Variants in LMNTD1 observed in about 807,000 individuals in gnomAD.
LMNTD1 encodes lamin tail domain-containing protein 1.
LMNTD1 carries 35 observed loss-of-function variants against 50.9 expected under a neutral mutation model. The ratio of observed to expected loss-of-function variants is 0.69; its 90% CI spans 0.53 to 0.91. LMNTD1 has a LOEUF of 0.91. LMNTD1 is among the 40% of genes least tolerant of loss of function. LMNTD1 has a pLI of 0.00. For missense variants in LMNTD1, 470 were observed against 475.5 expected, an observed-to-expected ratio of 0.99 and a Z score of 0.11; for synonymous variants, 153 against 161.9, an observed-to-expected ratio of 0.94 and a Z score of 0.42.
Position 25,519,789 on chromosome 12 carries a change from C to A in LMNTD1, c.1016+69G>T, listed in dbSNP as rs547113775. On this transcript the variant is annotated intron_variant, in intron 7 of 9. Coordinates refer to ENST00000458174, the MANE Select transcript of LMNTD1 (RefSeq NM_001145728.2). ...ATCACACATCCATTTGTCATCTAGT[C>A]GTTCCCACATGCTTAGTTACTAATT... 4.0e-6 allele frequency: 4 copies of A among 990,342 alleles called. No homozygotes were observed. In the African/African-American group the frequency reaches 6.4e-5, roughly 16 times the overall value. 61.3% of individuals were successfully genotyped at this position (990,342 alleles called of 1,614,324 possible).
intron 1 of LMNTD1, among the ~76,000 whole-genome samples, chr12:25,596,877 G>A (rs1945854890): frequency 6.6e-6 from 1 of 151,668 alleles, no homozygotes; most frequent in East Asian, 1.9e-4. Context: ...TACAATAAAT[G>A]TAAATAGAAA....
At chr12:25,544,992 A>G (rs1943341241) in intron 4 of LMNTD1, among the ~76,000 whole-genome samples, 1 of 151,848 alleles carries the variant, frequency 6.6e-6, no homozygotes, top group Non-Finnish European at 1.5e-5. Context: ...GATTCACGCT[A>G]GAGTAATGAG....
intron 1 of LMNTD1, among the ~76,000 whole-genome samples, chr12:25,559,756 T>C (rs1408395975): frequency 6.6e-6 from 1 of 152,238 alleles, no homozygotes; most frequent in Non-Finnish European, 1.5e-5. Context: ...TGTGAGATGG[T>C]ATCTCATTGT....
intron 1 of LMNTD1, among the ~76,000 whole-genome samples, chr12:25,605,636 A>G (rs1358571897): frequency 6.6e-6 from 1 of 152,200 alleles, no homozygotes; most frequent in Non-Finnish European, 1.5e-5. Flanking sequence ...CAGGTTTGTC[A>G]AAGATCAGAT....
chr12:25,527,557 G>C (rs1415431934), intron 4 of LMNTD1, among the ~76,000 whole-genome samples: 6 of 147,760 alleles, frequency 4.1e-5, no homozygotes, highest in South Asian at 2.1e-4. Context: ...ACTTTGGTAA[G>C]TGAGGACCCC....
chr12:25,476,223 A>G lies in LMNTD1; in HGVS notation c.*260T>C, dbSNP rs1000154865. ...ATAGCAATTTTATCCATTGAATAAT[A>G]CTAACCATCTGCTTGTTTTCTGCAG... On this transcript the variant is annotated 3_prime_UTR_variant, in exon 10 of 10. Transcript: ENST00000458174. 3.3e-5 allele frequency: 5 copies of G among 152,268 alleles called. No individual in the cohort carries two copies. Among genetic ancestry groups the G allele is most frequent in the Admixed American group, 6.5e-5 (1 of 15,290 alleles). The allele number at this position is 152,268 out of a possible 1,614,324, so 9.4% of individuals were successfully genotyped here. A position where few individuals can be genotyped will look rare whatever the true frequency, so the allele number is the denominator to read the frequency against.
intron 7 of LMNTD1, among the ~76,000 whole-genome samples, chr12:25,519,614 A>G (rs1163370554): frequency 6.7e-6 from 1 of 150,050 alleles, no homozygotes; most frequent in Non-Finnish European, 1.5e-5. Context: ...AAAAAGTGAA[A>G]TGGCCAGAGG....
At chr12:25,587,782 T>A (rs998294968) in intron 1 of LMNTD1, among the ~76,000 whole-genome samples, 1 of 152,232 alleles carries the variant, frequency 6.6e-6, no homozygotes, top group Non-Finnish European at 1.5e-5. Context: ...GCATATTGCC[T>A]AGGCCCTCAA....
chr12:25,586,584 G>T (rs1464973988), intron 1 of LMNTD1, among the ~76,000 whole-genome samples: 1 of 152,152 alleles, frequency 6.6e-6, no homozygotes, highest in Non-Finnish European at 1.5e-5. Context: ...AAGTCATGCG[G>T]CACTTTCTGA....
At chr12:25,534,250 C>A (rs1394722190) in intron 4 of LMNTD1, among the ~76,000 whole-genome samples, 1 of 152,102 alleles carries the variant, frequency 6.6e-6, no homozygotes, top group Non-Finnish European at 1.5e-5. Context: ...AATTGAGAAT[C>A]AGCTTCTGTT....
chr12:25,618,712 C>T (rs931401190), intron 1 of LMNTD1, among the ~76,000 whole-genome samples: 5 of 152,142 alleles, frequency 3.3e-5, no homozygotes, highest in African/African-American at 7.2e-5. Context: ...AATTTAACAT[C>T]AATTTGAATA....
At chr12:25,552,338 G>A (rs959195482) in intron 2 of LMNTD1, among the ~76,000 whole-genome samples, 2 of 151,928 alleles carry the variant, frequency 1.3e-5, no homozygotes, top group African/African-American at 4.8e-5. Context: ...AACTTTGGAG[G>A]CCAGGCGCGG....
intron 1 of LMNTD1, among the ~76,000 whole-genome samples, chr12:25,602,318 G>GA (rs959590454): frequency 6.6e-6 from 1 of 151,446 alleles, no homozygotes; most frequent in Non-Finnish European, 1.5e-5. Flanking sequence ...AAGAAAGAAA[G>GA]AAAAAAAACC....
intron 9 of LMNTD1, among the ~76,000 whole-genome samples, chr12:25,477,003 C>T (rs1408240282): frequency 1.3e-5 from 2 of 152,142 alleles, no homozygotes; most frequent in Non-Finnish European, 2.9e-5. Context: ...TTTCCTGAGG[C>T]AGCGTGACCC....
At chr12:25,551,287 G>A (rs1316771234) in intron 2 of LMNTD1, among the ~76,000 whole-genome samples, 1 of 152,154 alleles carries the variant, frequency 6.6e-6, no homozygotes, top group Non-Finnish European at 1.5e-5. Flanking sequence ...TAATTCCACA[G>A]AAGACTCCCA....
intron 9 of LMNTD1, among the ~76,000 whole-genome samples, chr12:25,476,668 T>A (rs140880721): frequency 2.0e-5 from 3 of 152,152 alleles, no homozygotes; most frequent in African/African-American, 7.2e-5. Context: ...TTGGGTTGAA[T>A]TGGTAGAACT....
At chr12:25,578,328 T>C (rs1207298504) in intron 1 of LMNTD1, among the ~76,000 whole-genome samples, 1 of 152,150 alleles carries the variant, frequency 6.6e-6, no homozygotes, top group Non-Finnish European at 1.5e-5. Flanking sequence ...ACTGGGTAAG[T>C]AGAGCTAGTT....
intron 4 of LMNTD1, among the ~76,000 whole-genome samples, chr12:25,531,353 T>G (rs1014280550): frequency 6.6e-6 from 1 of 152,178 alleles, no homozygotes; most frequent in African/African-American, 2.4e-5. Context: ...TAATATATAT[T>G]TCTTGTGATT....
intron 9 of LMNTD1, among the ~76,000 whole-genome samples, chr12:25,483,336 A>T (rs934001699): frequency 7.3e-5 from 11 of 151,104 alleles, no homozygotes; most frequent in African/African-American, 2.4e-4. Context: ...AGGAGGGAGG[A>T]TTGCTTGAGT....
Sources: allele counts gnomAD v4.1 joint callset (sites outside exome capture counted in the v4.1 genomes callset), GRCh38; gene constraint gnomAD v4.1.1; transcripts MANE v1.5; gene names NCBI Gene and HGNC (gene_info 2026-07-23, HGNC 2026-07-21).